IL1RAPL2: variants seen among roughly 807,000 people sequenced by gnomAD.
The protein encoded by IL1RAPL2 is X-linked interleukin-1 receptor accessory protein-like 2.
IL1RAPL2 carries 3 observed loss-of-function variants against 44.1 expected under a neutral mutation model. That is an observed-to-expected ratio of 0.07 (90% CI 0.03 to 0.18). IL1RAPL2 has a LOEUF of 0.18. Among genes scored for constraint, IL1RAPL2 ranks in the 10% least tolerant of loss-of-function variants. IL1RAPL2 has a pLI of 1.00. For missense variants in IL1RAPL2, 391 were observed against 496.4 expected, an observed-to-expected ratio of 0.79 and a Z score of 2.02; for synonymous variants, 181 against 178.8, an observed-to-expected ratio of 1.01 and a Z score of -0.10.
chrX:104,964,433 T>A (rs1229321940), intron 2 of IL1RAPL2, among the ~76,000 whole-genome samples: 1 of 109,303 alleles, frequency 9.1e-6, no homozygotes, highest in Admixed American at 9.9e-5. Flanking sequence ...TGCCTCAGCC[T>A]CCCGAGTAGC....
At position 105,285,530 on chromosome X, in the gene IL1RAPL2, G is replaced by A. The variant is rs145022309; in HGVS notation, c.697+17989G>A. On this transcript the variant is annotated intron_variant, in intron 5 of 10. Transcript: ENST00000372582. ...TTAAAATGTGGATTAGAACTAGAAG[G>A]GACTTTGAATAGCATACAGTCTGAT... 1.1e-4 allele frequency among the ~76,000 whole-genome samples: 12 copies of A among 111,520 alleles called. No homozygotes were observed. In the East Asian group the frequency reaches 3.4e-3, roughly 32 times the overall value.
At chrX:104,602,048 G>A (rs1182281942) in intron 1 of IL1RAPL2, among the ~76,000 whole-genome samples, 1 of 111,929 alleles carries the variant, frequency 8.9e-6, no homozygotes, top group Non-Finnish European at 1.9e-5. Context: ...CTGGCAAGAT[G>A]GCCAAATAGG....
chrX:105,388,874 G>T (rs1165111438), intron 5 of IL1RAPL2, among the ~76,000 whole-genome samples: 2 of 111,066 alleles, frequency 1.8e-5, no homozygotes, highest in Non-Finnish European at 3.8e-5. Flanking sequence ...ACTAATCTTT[G>T]GGAATTCACT....
intron 5 of IL1RAPL2, among the ~76,000 whole-genome samples, chrX:105,452,297 C>A (rs992303715): frequency 5.4e-5 from 6 of 111,336 alleles, no homozygotes; most frequent in Middle Eastern, 4.6e-3. Flanking sequence ...TTTTTAACTT[C>A]TTTTTTTCTA....
intron 1 of IL1RAPL2, among the ~76,000 whole-genome samples, chrX:104,617,646 A>C (rs774299777): frequency 2.7e-5 from 3 of 112,249 alleles, no homozygotes; most frequent in Non-Finnish European, 5.6e-5. Flanking sequence ...CTGTTGATAA[A>C]GATTTCAGTT....
chrX:104,950,739 C>T (rs1272878637), intron 2 of IL1RAPL2, among the ~76,000 whole-genome samples: 5 of 108,153 alleles, frequency 4.6e-5, no homozygotes, highest in South Asian at 4.0e-4. Flanking sequence ...GACGGAGTCT[C>T]GCTGTCGCCC....
intron 5 of IL1RAPL2, among the ~76,000 whole-genome samples, chrX:105,394,460 G>A (rs2035548090): frequency 9.0e-6 from 1 of 111,326 alleles, no homozygotes; most frequent in African/African-American, 3.3e-5. Flanking sequence ...TTCTTTGAGA[G>A]TCAACTGGCA....
rs988516074 is a variant in IL1RAPL2 at position 105,526,789 on chromosome X, C to T, written c.772+42402C>T. Among the ~76,000 whole-genome samples, 33 of 111,700 alleles carry T rather than the reference C, an allele frequency of 3.0e-4. 1 individual carries two copies. The highest frequency in any genetic ancestry group is 1.1e-3 in the African/African-American group (33 of 30,798). ...TAGACATCTTGGCTGTTGATTTAGT[C>T]ATAAATGAAAAATACACTAAGTTGT... On this transcript the variant is annotated intron_variant, in intron 6 of 10. Coordinates refer to ENST00000372582, the MANE Select transcript of IL1RAPL2 (RefSeq NM_017416.2).
intron 2 of IL1RAPL2, among the ~76,000 whole-genome samples, chrX:104,705,946 T>C (rs1333804193): frequency 1.8e-5 from 2 of 112,196 alleles, no homozygotes; most frequent in African/African-American, 6.5e-5. Flanking sequence ...TCAACAGATG[T>C]TTATTAAACA....
chrX:105,280,320 A>C (rs2034521121), intron 5 of IL1RAPL2, among the ~76,000 whole-genome samples: 1 of 112,084 alleles, frequency 8.9e-6, no homozygotes, highest in Admixed American at 9.5e-5. Flanking sequence ...TAGGACCATA[A>C]AAGTCCTAGA....
chrX:104,866,259 A>T (rs1277660614), intron 2 of IL1RAPL2, among the ~76,000 whole-genome samples: 1 of 112,136 alleles, frequency 8.9e-6, no homozygotes, highest in Non-Finnish European at 1.9e-5. Flanking sequence ...TCAGTAGGTT[A>T]CAACTAGCAT....
intron 2 of IL1RAPL2, among the ~76,000 whole-genome samples, chrX:105,133,946 A>T: frequency 8.9e-6 from 1 of 111,874 alleles, no homozygotes; most frequent in Non-Finnish European, 1.9e-5. Context: ...TTTTTATAGT[A>T]TACCATCACA....
chrX:105,413,260 C>T (rs114116006), intron 5 of IL1RAPL2, among the ~76,000 whole-genome samples: 4,071 of 111,651 alleles, frequency 0.036, 196 homozygotes, highest in African/African-American at 0.12. Context: ...AAAATATTCA[C>T]ATTATAATCA....
At chrX:105,423,087 C>G (rs2035784208) in intron 5 of IL1RAPL2, among the ~76,000 whole-genome samples, 1 of 110,811 alleles carries the variant, frequency 9.0e-6, no homozygotes, top group African/African-American at 3.3e-5. Context: ...TAAGTCATAT[C>G]AGAATTATAG....
chrX:105,381,666 T>A (rs1319826834), intron 5 of IL1RAPL2, among the ~76,000 whole-genome samples: 1 of 112,164 alleles, frequency 8.9e-6, no homozygotes, highest in Non-Finnish European at 1.9e-5. Context: ...TAAGTGATAT[T>A]TTGATACAAG....
intron 7 of IL1RAPL2, among the ~76,000 whole-genome samples, chrX:105,729,876 AGAAGGAAGGAAGGAAG>A (rs768197336): frequency 4.1e-4 from 21 of 51,270 alleles, no homozygotes; most frequent in Middle Eastern, 0.02. Context: ...AAGGAAGGAA[AGAAGGAAGGAAGGAAG>A]GAAGGAAGGA....
chrX:104,940,198 A>G (rs746357884), intron 2 of IL1RAPL2, among the ~76,000 whole-genome samples: 132 of 111,725 alleles, frequency 1.2e-3, no homozygotes, highest in Non-Finnish European at 9.0e-4. Flanking sequence ...TATGAAGCAT[A>G]TTTTTAAAAG....
intron 6 of IL1RAPL2, among the ~76,000 whole-genome samples, chrX:105,501,468 A>T (rs2036394729): frequency 9.0e-6 from 1 of 110,684 alleles, no homozygotes; most frequent in African/African-American, 3.3e-5. Context: ...TACAAAAAAT[A>T]CAAAAATTAG....
chrX:104,955,886 T>A (rs1189022044), intron 2 of IL1RAPL2, among the ~76,000 whole-genome samples: 2 of 111,276 alleles, frequency 1.8e-5, no homozygotes, highest in Non-Finnish European at 3.8e-5. Flanking sequence ...CCAGAGAACA[T>A]GAAAATAATT....
Sources: allele counts gnomAD v4.1 joint callset (sites outside exome capture counted in the v4.1 genomes callset), GRCh38; gene constraint gnomAD v4.1.1; transcripts MANE v1.5; gene names NCBI Gene and HGNC (gene_info 2026-07-23, HGNC 2026-07-21).